SLC9A8: variants seen among roughly 807,000 people sequenced by gnomAD.
The protein encoded by SLC9A8 is solute carrier family 9 member A8, also known as sodium/hydrogen exchanger 8.
In SLC9A8, 48 loss-of-function variants were observed where a neutral mutation model predicts 66.6. That is an observed-to-expected ratio of 0.72 (90% confidence interval 0.57 to 0.92). SLC9A8 has a LOEUF of 0.92. Among genes scored for constraint, SLC9A8 ranks in the 40% least tolerant of loss-of-function variants. The pLI is 0.00. For missense variants in SLC9A8, 599 were observed against 747.3 expected, an observed-to-expected ratio of 0.80 and a Z score of 2.31; for synonymous variants, 274 against 282.6, an observed-to-expected ratio of 0.97 and a Z score of 0.31.
chr20:49,850,645 T>A, intron 6 of SLC9A8, 165 bp from the exon 7 acceptor site: 1 of 687,752 alleles, frequency 1.5e-6, no homozygotes, highest in Non-Finnish European at 2.3e-6. Context: ...ATGGAATGCA[T>A]GTTTCAACTA....
In SLC9A8 at chr20:49,887,982, T is replaced by C; in HGVS notation, c.*46T>C. The C allele has an allele frequency of 6.9e-7, 1 of 1,454,948 alleles. No individual in the cohort carries two copies. The highest frequency in any genetic ancestry group is 9.6e-7 in the Non-Finnish European group (1 of 1,036,442). 90.1% of individuals were successfully genotyped at this position (1,454,948 alleles called of 1,614,324 possible). A position where few individuals can be genotyped will look rare whatever the true frequency, so the allele number is the denominator to read the frequency against. On this transcript the variant is annotated 3_prime_UTR_variant, in exon 16 of 16. Coordinates refer to ENST00000361573, the MANE Select transcript of SLC9A8 (RefSeq NM_015266.3). ...GGCAGGCAGGCCCAGGATGGGCGTTTGCTGCGCACAGACACTCAGCAGGGG... is the reference window on the plus strand; with the variant it reads ...GGCAGGCAGGCCCAGGATGGGCGTTCGCTGCGCACAGACACTCAGCAGGGG...
At chr20:49,814,314 T>C (rs2086467133) in intron 1 of SLC9A8, among the ~76,000 whole-genome samples, 1 of 152,228 alleles carries the variant, frequency 6.6e-6, no homozygotes, top group Non-Finnish European at 1.5e-5. Flanking sequence ...AGACATGTTA[T>C]ACCTATTAAA....
intron 2 of SLC9A8, 117 bp downstream of exon 2, chr20:49,815,306 T>A (rs1422079473): frequency 1.3e-6 from 1 of 763,916 alleles, no homozygotes; most frequent in East Asian, 2.9e-5. Flanking sequence ...TTGGTTTTCA[T>A]ATCAAACACT....
intron 4 of SLC9A8, among the ~76,000 whole-genome samples, chr20:49,840,533 C>T (rs17786057): frequency 0.08 from 12,148 of 152,052 alleles, 636 homozygotes; most frequent in Middle Eastern, 0.12. Context: ...TATAGACTAA[C>T]GTAAAACACA....
intron 8 of SLC9A8, 87 bp from the exon 9 acceptor site, chr20:49,862,842 G>A (rs1287791560): frequency 2.4e-5 from 26 of 1,077,006 alleles, no homozygotes; most frequent in East Asian, 1.6e-4. Flanking sequence ...ATGAATGAGC[G>A]AATAAGCAAG....
intron 15 of SLC9A8, among the ~76,000 whole-genome samples, 175 bp from the exon 16 acceptor site, chr20:49,887,654 C>T (rs1286442538): frequency 1.3e-5 from 2 of 152,172 alleles, no homozygotes; most frequent in African/African-American, 4.8e-5. Context: ...ACCTCCACCC[C>T]CACAAAGAAC....
In SLC9A8 at chr20:49,884,113, A is replaced by G. The variant is rs774220069; in HGVS notation, c.1491+47A>G. 1.5e-5 allele frequency: 23 copies of G among 1,554,774 alleles called. No individual in the cohort carries two copies. The Admixed American group carries it at 3.0e-4, about 20-fold the overall frequency. ...GGGTGGGGCAGGGGGCTGGCCTGCT[A>G]CGCAGCTGGTGGTCCCCACTGTCAG... On this transcript the variant is annotated intron_variant, in intron 14 of 15. Transcript: ENST00000361573.
At chr20:49,832,382 G>T (rs1300651105) in intron 3 of SLC9A8, among the ~76,000 whole-genome samples, 1 of 152,132 alleles carries the variant, frequency 6.6e-6, no homozygotes. Context: ...CTCTGGGGTG[G>T]GTCTGGGACA....
rs973209003 is a variant in SLC9A8 at position 49,886,171 on chromosome 20, T to C, written c.1492-581T>C. Reference sequence around the variant, plus strand: ...TTCACTGTGGCCCCACTGAGACTCCTCCAGCAGAGCAGGCGCTGCACTCAG... The same window carrying C: ...TTCACTGTGGCCCCACTGAGACTCCCCCAGCAGAGCAGGCGCTGCACTCAG... On this transcript the variant is annotated intron_variant, in intron 14 of 15. Transcript: ENST00000361573. This position sits in a 1 kb window ranked among gnomAD's most constrained non-coding sequence, Gnocchi z 4.8. 6.7e-6 allele frequency among the ~76,000 whole-genome samples: 1 copy of C among 148,508 alleles called. No individual in the cohort carries two copies. Among genetic ancestry groups the C allele is most frequent in the Non-Finnish European group, 1.5e-5 (1 of 67,446 alleles).
intron 9 of SLC9A8, 84 bp downstream of exon 9, chr20:49,863,151 G>T: frequency 7.8e-7 from 1 of 1,282,022 alleles, no homozygotes; most frequent in Non-Finnish European, 1.1e-6. Context: ...TGTTTTTTAA[G>T]GGGGCCAATT....
chr20:49,843,340 G>GAGC (rs1359015943), intron 4 of SLC9A8, among the ~76,000 whole-genome samples: 2 of 152,124 alleles, frequency 1.3e-5, no homozygotes, highest in Non-Finnish European at 2.9e-5. Flanking sequence ...GCTTGAGCTT[G>GAGC]TTGTACATGC....
At chr20:49,842,457 T>TG (rs556697989) in intron 4 of SLC9A8, among the ~76,000 whole-genome samples, 46 of 152,212 alleles carry the variant, frequency 3.0e-4, no homozygotes, top group Non-Finnish European at 4.9e-4. Flanking sequence ...GTAGTACAGA[T>TG]GCCTGCTGAA....
intron 3 of SLC9A8, chr20:49,828,985 G>A (rs906535369): frequency 2.7e-5 from 4 of 147,836 alleles, no homozygotes; most frequent in Admixed American, 6.9e-5. Flanking sequence ...AGGTGTGTGT[G>A]TATGTGTGTA....
chr20:49,874,259 C>G (rs1343946510), intron 10 of SLC9A8, among the ~76,000 whole-genome samples: 1 of 151,742 alleles, frequency 6.6e-6, no homozygotes, highest in Non-Finnish European at 1.5e-5. Context: ...ACTCTGTCCC[C>G]CCCCCAAAAA....
intron 2 of SLC9A8, among the ~76,000 whole-genome samples, chr20:49,822,253 T>G (rs977624643): frequency 6.6e-6 from 1 of 152,220 alleles, no homozygotes; most frequent in Admixed American, 6.5e-5. Context: ...TTTTCCTGTT[T>G]GTAAAACCCT....
In SLC9A8 at chr20:49,823,032, A is replaced by T. The variant is rs201220074; in HGVS notation, c.209-29A>T. 162 of 1,570,396 alleles carry T rather than the reference A, an allele frequency of 1.0e-4. No individual in the cohort carries two copies. The East Asian group carries it at 1.2e-3, about 12-fold the overall frequency. ...TCATTCAGAATTGAGTGTTTTTTTTAAAACATTGTATTATTTTTTTTTCCA... is the reference window on the plus strand; with the variant it reads ...TCATTCAGAATTGAGTGTTTTTTTTTAAACATTGTATTATTTTTTTTTCCA... On this transcript the variant is annotated intron_variant, in intron 2 of 15. Transcript: ENST00000361573.
intron 3 of SLC9A8, among the ~76,000 whole-genome samples, chr20:49,834,175 CT>C (rs2087338697): frequency 5.2e-5 from 3 of 57,928 alleles, no homozygotes; most frequent in African/African-American, 2.1e-4. Context: ...CTCTCTCTCT[CT>C]CTCTCTCTCT....
At chr20:49,842,677 G>T (rs1198243788) in intron 4 of SLC9A8, among the ~76,000 whole-genome samples, 1 of 152,166 alleles carries the variant, frequency 6.6e-6, no homozygotes, top group Non-Finnish European at 1.5e-5. Flanking sequence ...CATTTTGGGG[G>T]AGCCATTGCC....
chr20:49,873,206 G>T (rs1403780214), intron 10 of SLC9A8, among the ~76,000 whole-genome samples: 1 of 152,224 alleles, frequency 6.6e-6, no homozygotes, highest in Non-Finnish European at 1.5e-5. Flanking sequence ...ATTTAGCTGG[G>T]TGCAGTGGCT....
Sources: allele counts gnomAD v4.1 joint callset (sites outside exome capture counted in the v4.1 genomes callset), GRCh38; gene constraint gnomAD v4.1.1; non-coding constraint Gnocchi (gnomAD v3.1); transcripts MANE v1.5; gene names NCBI Gene and HGNC (gene_info 2026-07-23, HGNC 2026-07-21).